The following COMMD7 variants were observed in gnomAD, a reference collection of about 807,000 sequenced individuals.
COMMD7 encodes COMM domain-containing protein 7.
Under a neutral mutation model 34.8 loss-of-function variants are expected in COMMD7, and 28 were observed. The observed-to-expected ratio is 0.80, with a 90% CI of 0.60 to 1.10. The LOEUF (loss-of-function observed/expected upper bound fraction) is 1.10, where lower values mean the gene tolerates loss of function less well. Among genes scored for constraint, COMMD7 ranks in the 50% least tolerant of loss-of-function variants. The pLI, the probability that COMMD7 is intolerant of heterozygous loss-of-function variation, is 0.00. For missense variants in COMMD7, 211 were observed against 241.6 expected (o/e 0.87, Z 0.84); for synonymous variants, 80 against 86.4 (o/e 0.93, Z 0.41).
intron 1 of COMMD7, among the ~76,000 whole-genome samples, chr20:32,737,833 G>A (rs1986226572): frequency 1.2e-5 from 1 of 85,086 alleles, no homozygotes; most frequent in Non-Finnish European, 2.7e-5. Flanking sequence ...GTGAGGTCCT[G>A]TCTTAAAAAA....
chr20:32,708,312 C>T (rs1984221011), intron 3 of COMMD7, among the ~76,000 whole-genome samples: 1 of 152,158 alleles, frequency 6.6e-6, no homozygotes, highest in Non-Finnish European at 1.5e-5. Flanking sequence ...AGATGCCAAC[C>T]ACCATCAAGG....
At position 32,702,873 on chromosome 20, in the gene COMMD7, C is replaced by T. The variant is rs758248246; in HGVS notation, c.*509G>A. On this transcript the variant is annotated 3_prime_UTR_variant, in exon 9 of 9. Coordinates refer to ENST00000278980, the MANE Select transcript of COMMD7 (RefSeq NM_053041.3). ...AGAAGACCAAGCATGTATTTACACA[C>T]AGGTGCCTCATTAAGAACTGATTGG... The T allele has an allele frequency of 4.6e-5, 7 of 152,882 alleles. No homozygotes were observed. The highest frequency in any genetic ancestry group is 8.8e-5 in the Non-Finnish European group (6 of 68,536). 9.5% of individuals were successfully genotyped at this position (152,882 alleles called of 1,614,324 possible). A position where few individuals can be genotyped will look rare whatever the true frequency, so the allele number is the denominator to read the frequency against.
intron 3 of COMMD7, among the ~76,000 whole-genome samples, chr20:32,714,824 A>AAACAACAAC (rs55911529): frequency 0.36 from 49,695 of 139,550 alleles, 9,249 homozygotes; most frequent in South Asian, 0.42. Context: ...ACTCCATCTC[A>AAACAACAAC]AACAACAACA....
intron 1 of COMMD7, among the ~76,000 whole-genome samples, chr20:32,730,384 G>A (rs1199593844): frequency 6.6e-6 from 1 of 151,698 alleles, no homozygotes; most frequent in Non-Finnish European, 1.5e-5. Context: ...GTGAAACCCC[G>A]TCTCTACTAA....
At chr20:32,715,173 AT>A (rs1984706747) in intron 3 of COMMD7, among the ~76,000 whole-genome samples, 36 of 148,702 alleles carry the variant, frequency 2.4e-4, no homozygotes, top group African/African-American at 4.7e-4. Flanking sequence ...GTCTCAAAAA[AT>A]AATAATAATA....
chr20:32,738,420 C>A (rs1986260627), intron 1 of COMMD7, among the ~76,000 whole-genome samples: 1 of 152,112 alleles, frequency 6.6e-6, no homozygotes, highest in African/African-American at 2.4e-5. Context: ...AACCTCATCT[C>A]TATTAAGAAT....
intron 6 of COMMD7, 109 bp from the exon 7 acceptor site, chr20:32,704,598 G>T: frequency 1.7e-6 from 2 of 1,204,696 alleles, no homozygotes; most frequent in East Asian, 2.4e-5. Context: ...GAAGCCATGT[G>T]GGGGCAAGTA....
chr20:32,704,337 C>T lies in COMMD7; in HGVS notation c.477+103G>A, dbSNP rs145444055. On this transcript the variant is annotated intron_variant, in intron 7 of 8. Transcript: ENST00000278980. Reference sequence around the variant, plus strand: ...ACACTGCTCTGAGATATATAAGGTACTTCAGTAAAACATCCATTTAAATAT... The same window carrying T: ...ACACTGCTCTGAGATATATAAGGTATTTCAGTAAAACATCCATTTAAATAT... 2.6e-4 allele frequency: 291 copies of T among 1,128,162 alleles called. 1 individual carries two copies. The Admixed American group carries it at 3.1e-3, about 12-fold the overall frequency. The allele number at this position is 1,128,162 out of a possible 1,614,324, so 69.9% of individuals were successfully genotyped here. A position where few individuals can be genotyped will look rare whatever the true frequency, so the allele number is the denominator to read the frequency against.
chr20:32,714,501 A>C (rs1600975926), intron 3 of COMMD7, among the ~76,000 whole-genome samples: 1 of 151,874 alleles, frequency 6.6e-6, no homozygotes. Flanking sequence ...CAGCCTGGCC[A>C]ATATGGTGAA....
intron 1 of COMMD7, among the ~76,000 whole-genome samples, chr20:32,730,699 A>G (rs1198947941): frequency 3.9e-5 from 6 of 152,158 alleles, no homozygotes; most frequent in African/African-American, 1.4e-4. Context: ...GCCGTTTAGC[A>G]TCTGTGTCCC....
intron 3 of COMMD7, among the ~76,000 whole-genome samples, chr20:32,712,160 C>CT (rs1984487226): frequency 6.6e-6 from 1 of 150,796 alleles, no homozygotes; most frequent in African/African-American, 2.4e-5. Flanking sequence ...ATCCCAGCTA[C>CT]TCAGGAGGCT....
intron 3 of COMMD7, among the ~76,000 whole-genome samples, chr20:32,708,579 C>T (rs1433344508): frequency 6.6e-6 from 1 of 152,064 alleles, no homozygotes; most frequent in African/African-American, 2.4e-5. Flanking sequence ...ACCATGAATA[C>T]AGTGTCTTAG....
At chr20:32,715,017 T>A (rs6058818) in intron 3 of COMMD7, among the ~76,000 whole-genome samples, 1 of 146,204 alleles carries the variant, frequency 6.8e-6, no homozygotes, top group South Asian at 2.2e-4. Flanking sequence ...CTCAAAAAAA[T>A]AAAAATAAAA....
chr20:32,732,895 C>A (rs1985921324), intron 1 of COMMD7, among the ~76,000 whole-genome samples: 1 of 151,832 alleles, frequency 6.6e-6, no homozygotes, highest in Non-Finnish European at 1.5e-5. Flanking sequence ...GAGATCGCGC[C>A]ACTGCACTCC....
At chr20:32,730,582 C>A (rs536281031) in intron 1 of COMMD7, among the ~76,000 whole-genome samples, 144 of 151,756 alleles carry the variant, frequency 9.5e-4, no homozygotes, top group Non-Finnish European at 1.9e-3. Context: ...ACAACAACAA[C>A]AAAAAGCCCA....
chr20:32,705,447 C>T (rs1333588229), intron 5 of COMMD7, among the ~76,000 whole-genome samples: 4 of 151,044 alleles, frequency 2.6e-5, no homozygotes, highest in African/African-American at 4.9e-5. Context: ...GATCTTGGCT[C>T]GCTGCAAGCT....
chr20:32,703,173 C>G lies in COMMD7; in HGVS notation c.*209G>C, dbSNP rs1983851834. 3 of 428,194 alleles carry G rather than the reference C, an allele frequency of 7.0e-6. No individual in the cohort carries two copies. Among genetic ancestry groups the G allele is most frequent in the African/African-American group, 2.0e-5 (1 of 49,226 alleles). The allele number at this position is 428,194 out of a possible 1,614,324, so 26.5% of individuals were successfully genotyped here. A position where few individuals can be genotyped will look rare whatever the true frequency, so the allele number is the denominator to read the frequency against. On this transcript the variant is annotated 3_prime_UTR_variant, in exon 9 of 9. Coordinates refer to ENST00000278980, the MANE Select transcript of COMMD7 (RefSeq NM_053041.3). ...TGGAAGACAGGTGGTGGTGGTTGCC[C>G]TAACAGAGAGTTTACAGGGTAATTG...
At chr20:32,724,079 A>C in intron 3 of COMMD7, among the ~76,000 whole-genome samples, 1 of 11,716 alleles carries the variant, frequency 8.5e-5, no homozygotes, top group East Asian at 1.7e-3. Flanking sequence ...CAGCCGCCCC[A>C]TCCGGGAGGG....
chr20:32,738,357 G>T (rs1005795167), intron 1 of COMMD7, among the ~76,000 whole-genome samples: 1 of 152,150 alleles, frequency 6.6e-6, no homozygotes, highest in Non-Finnish European at 1.5e-5. Context: ...GGGAGGCCGA[G>T]GTGGGCAGGT....
Sources: allele counts gnomAD v4.1 joint callset (sites outside exome capture counted in the v4.1 genomes callset), GRCh38; gene constraint gnomAD v4.1.1; transcripts MANE v1.5; gene names NCBI Gene and HGNC (gene_info 2026-07-23, HGNC 2026-07-21).